KCNQ3: variants seen among roughly 807,000 people sequenced by gnomAD.
The protein encoded by KCNQ3 is potassium voltage-gated channel subfamily KQT member 3.
KCNQ3 carries 30 observed loss-of-function variants against 92.5 expected under a neutral mutation model. The ratio of observed to expected loss-of-function variants is 0.32; its 90% CI spans 0.24 to 0.44. The LOEUF is 0.44. KCNQ3 is among the 20% of genes least tolerant of loss of function. The pLI is 1.00. For synonymous variants in KCNQ3, 450 were observed against 468.8 expected (o/e 0.96, Z 0.52); for missense variants, 913 against 1,140.3 (o/e 0.80, Z 2.87).
At chr8:132,300,936 A>T (rs1447501227) in intron 1 of KCNQ3, among the ~76,000 whole-genome samples, 3 of 152,122 alleles carry the variant, frequency 2.0e-5, no homozygotes, top group African/African-American at 7.2e-5. Context: ...TAGCATCAAG[A>T]TGGTGATAAT....
At chr8:132,436,273 T>C (rs1487091621) in intron 1 of KCNQ3, among the ~76,000 whole-genome samples, 1 of 152,234 alleles carries the variant, frequency 6.6e-6, no homozygotes, top group African/African-American at 2.4e-5. Flanking sequence ...ATTGAAACAC[T>C]ATAAGAGAGT....
chr8:132,237,978 G>C (rs1223069596), intron 1 of KCNQ3, among the ~76,000 whole-genome samples: 1 of 152,038 alleles, frequency 6.6e-6, no homozygotes, highest in Non-Finnish European at 1.5e-5. Flanking sequence ...TGCATTTCAA[G>C]GAAATCACTT....
At chr8:132,308,199 T>C (rs1299329873) in intron 1 of KCNQ3, among the ~76,000 whole-genome samples, 1 of 152,236 alleles carries the variant, frequency 6.6e-6, no homozygotes, top group African/African-American at 2.4e-5. Context: ...AGGTTCCACC[T>C]GACTTTGAGT....
chr8:132,473,622 G>A (rs1350013089), intron 1 of KCNQ3, among the ~76,000 whole-genome samples: 3 of 152,126 alleles, frequency 2.0e-5, no homozygotes, highest in East Asian at 3.8e-4. Context: ...CTTCTTCCAT[G>A]TAAAGTGCTC....
rs775953398 is a variant in KCNQ3 at position 132,137,834 on chromosome 8, G to C, written c.1700+51C>G. ...AATACCTCTCACCTTAAACTCTAAG[G>C]TTCATAGGGCTTTGAGGGGAGCGCA... is the stretch of plus-strand genomic sequence containing the variant. On this transcript the variant is annotated intron_variant, in intron 12 of 14. Coordinates refer to ENST00000388996, the MANE Select transcript of KCNQ3 (RefSeq NM_004519.4). 3.7e-6 allele frequency: 6 copies of C among 1,605,916 alleles called. No homozygotes were observed. In the South Asian group the frequency reaches 5.5e-5, roughly 15 times the overall value.
At chr8:132,221,899 G>A (rs200055081) in intron 1 of KCNQ3, among the ~76,000 whole-genome samples, 8 of 152,102 alleles carry the variant, frequency 5.3e-5, no homozygotes, top group South Asian at 2.1e-4. Flanking sequence ...TCCTTACACC[G>A]TATACAAAAA....
intron 1 of KCNQ3, among the ~76,000 whole-genome samples, chr8:132,299,454 C>T (rs1170563695): frequency 2.0e-5 from 3 of 152,152 alleles, no homozygotes. Flanking sequence ...TTCTGACAAA[C>T]ATCCAGGGTT....
chr8:132,444,775 T>C (rs528437843), intron 1 of KCNQ3, among the ~76,000 whole-genome samples: 1 of 152,308 alleles, frequency 6.6e-6, no homozygotes, highest in South Asian at 2.1e-4. Context: ...CATTGGACTT[T>C]GACTGAATCA....
chr8:132,392,437 A>G (rs1820073996), intron 1 of KCNQ3, among the ~76,000 whole-genome samples: 2 of 152,034 alleles, frequency 1.3e-5, no homozygotes, highest in African/African-American at 2.4e-5. Flanking sequence ...CTGTTCCTCA[A>G]AAAGATCAGG....
chr8:132,293,999 G>GTGTGTGT (rs61040125), intron 1 of KCNQ3, among the ~76,000 whole-genome samples: 1 of 87,780 alleles, frequency 1.1e-5, no homozygotes, highest in Admixed American at 1.4e-4. Context: ...GTGTGTGTGT[G>GTGTGTGT]GTTTTTTTTT....
At chr8:132,396,258 G>C (rs961134756) in intron 1 of KCNQ3, among the ~76,000 whole-genome samples, 1 of 152,088 alleles carries the variant, frequency 6.6e-6, no homozygotes, top group African/African-American at 2.4e-5. Context: ...CTCCCATCCA[G>C]TTTCCATGGA....
chr8:132,381,023 C>A lies in KCNQ3; in HGVS notation c.386+99124G>T, dbSNP rs145727385. ...CAGGAACAAAGAAGGGAGGATAGAG[C>A]AAAGGGAAAATGGGCAGTCAGCGCT... On this transcript the variant is annotated intron_variant, in intron 1 of 14. Coordinates refer to ENST00000388996, the MANE Select transcript of KCNQ3 (RefSeq NM_004519.4). 6.0e-5 allele frequency among the ~76,000 whole-genome samples: 9 copies of A among 150,902 alleles called. No homozygotes were observed. In the East Asian group the frequency reaches 1.8e-3, roughly 29 times the overall value.
chr8:132,451,104 A>T (rs1821809029), intron 1 of KCNQ3, among the ~76,000 whole-genome samples: 1 of 152,146 alleles, frequency 6.6e-6, no homozygotes, highest in South Asian at 2.1e-4. Flanking sequence ...GGTGGGAGGT[A>T]ACTGAATCAT....
chr8:132,350,229 C>T (rs891649130), intron 1 of KCNQ3, among the ~76,000 whole-genome samples: 20 of 152,126 alleles, frequency 1.3e-4, no homozygotes, highest in Non-Finnish European at 2.8e-4. Context: ...GACCCAATCA[C>T]CCCATTGCAA....
At chr8:132,282,492 G>C (rs977581842) in intron 1 of KCNQ3, among the ~76,000 whole-genome samples, 1 of 152,108 alleles carries the variant, frequency 6.6e-6, no homozygotes, top group Non-Finnish European at 1.5e-5. Context: ...GCATCTCCTA[G>C]GCTCCCTCTT....
At chr8:132,218,701 G>T (rs1297095537) in intron 1 of KCNQ3, among the ~76,000 whole-genome samples, 1 of 152,142 alleles carries the variant, frequency 6.6e-6, no homozygotes, top group Admixed American at 6.5e-5. Flanking sequence ...CAAAATCCAG[G>T]CTCATACCTT....
chr8:132,175,627 G>C lies in KCNQ3; in HGVS notation c.778-19C>G, dbSNP rs766864308. The stretch of plus-strand genomic sequence containing the variant: ...TGAGTTCCTGAAAGAATGAACAGTG[G>C]ACATGAAAAGTGGTCACTGGGGAGT... On this transcript the variant is annotated intron_variant, in intron 4 of 14. Transcript: ENST00000388996. The C allele has an allele frequency of 1.9e-6, 3 of 1,612,556 alleles. No individual in the cohort carries two copies. Among genetic ancestry groups the C allele is most frequent in the Non-Finnish European group, 1.7e-6 (2 of 1,179,210 alleles).
intron 1 of KCNQ3, among the ~76,000 whole-genome samples, chr8:132,377,291 T>C (rs1239264512): frequency 6.6e-6 from 1 of 152,216 alleles, no homozygotes; most frequent in Non-Finnish European, 1.5e-5. Flanking sequence ...ATAGCTGGAC[T>C]GGAGCTAAAC....
At chr8:132,404,567 T>C (rs932895692) in intron 1 of KCNQ3, among the ~76,000 whole-genome samples, 4 of 152,192 alleles carry the variant, frequency 2.6e-5, no homozygotes, top group African/African-American at 9.7e-5. Context: ...ATGAAGACAA[T>C]TCCAGTCTTC....
Sources: gnomAD v4.1 joint callset for allele counts (sites outside exome capture counted in the v4.1 genomes callset) on GRCh38, gnomAD v4.1.1 for gene constraint, MANE v1.5 for transcripts, NCBI Gene and HGNC (gene_info 2026-07-23, HGNC 2026-07-21) for gene names.